The following AP1B1 variants were observed in gnomAD, a reference collection of about 807,000 sequenced individuals.
AP1B1 encodes the protein adaptor related protein complex 1 subunit beta 1, also known as AP-1 complex subunit beta-1.
In AP1B1, 36 loss-of-function variants were observed where a neutral mutation model predicts 104.3. That is an observed-to-expected ratio of 0.35 (90% CI 0.26 to 0.46). The LOEUF is 0.46. Ranked by LOEUF, AP1B1 falls within the 20% of genes least tolerant of loss-of-function variation. AP1B1 has a pLI of 1.00. For synonymous variants in AP1B1, 504 were observed against 517.5 expected (o/e 0.97, Z 0.35); for missense variants, 901 against 1,247.9 (o/e 0.72, Z 4.19).
intron 13 of AP1B1, 50 bp downstream of exon 13, chr22:29,341,451 C>G: frequency 2.5e-6 from 4 of 1,580,760 alleles, no homozygotes; most frequent in Non-Finnish European, 3.5e-6. Flanking sequence ...TGCTGCTAAA[C>G]TGGGGAAGCA....
At position 29,351,779 on chromosome 22, in the gene AP1B1, T is replaced by C; in HGVS notation, c.985A>G (p.Asn329Asp). The change falls in exon 8 of 23, where the codon AAC becomes GAC. Residue 329 changes from asparagine (N) to aspartate (D), a missense_variant. Coordinates refer to ENST00000357586, the MANE Select transcript of AP1B1 (RefSeq NM_001127.4). Reference sequence around the variant, plus strand: ...TCCAGCTTCACGTAGATAGGGTCGTTGTACTTCACGAAGAACACCTTCATC... The same window carrying C: ...TCCAGCTTCACGTAGATAGGGTCGTCGTACTTCACGAAGAACACCTTCATC... ...HEMKVFFVKYNDPIYVKLEKL... is the reference protein window; with the variant it reads ...HEMKVFFVKYDDPIYVKLEKL... 1 of 1,614,214 alleles carries C rather than the reference T, an allele frequency of 6.2e-7. No homozygotes were observed. Among genetic ancestry groups the C allele is most frequent in the Non-Finnish European group, 8.5e-7 (1 of 1,180,032 alleles).
At position 29,388,437 on chromosome 22, in the gene AP1B1, T is replaced by C. The variant is rs1246755681; in HGVS notation, c.-41A>G. The stretch of plus-strand genomic sequence containing the variant: ...CCGCTTCCTCACCCGCAGGTCCCAA[T>C]AGCTCCCGGCGCCCCGGCTCGGTTC... On this transcript the variant is annotated 5_prime_UTR_variant, in exon 1 of 23. Transcript: ENST00000357586. 1 of 152,364 alleles carries C rather than the reference T, an allele frequency of 6.6e-6. No individual in the cohort carries two copies. Among genetic ancestry groups the C allele is most frequent in the African/African-American group, 2.4e-5 (1 of 41,442 alleles). 9.4% of individuals were successfully genotyped at this position (152,364 alleles called of 1,614,324 possible).
chr22:29,378,552 C>CAAAAA (rs145933767), intron 1 of AP1B1, among the ~76,000 whole-genome samples: 41 of 48,356 alleles, frequency 8.5e-4, no homozygotes, highest in Admixed American at 1.5e-3. Flanking sequence ...AACTCCGTAT[C>CAAAAA]AAAAAAAAAA....
chr22:29,334,372 G>C lies in AP1B1; in HGVS notation c.2202C>G (p.Ile734Met), dbSNP rs978776560. The change falls in exon 17 of 23, where the codon ATC (isoleucine) becomes ATG (methionine). Residue 734 changes from isoleucine to methionine, a missense_variant. By Grantham distance (10) the Ile-to-Met change is conservative. Coordinates refer to ENST00000357586, the MANE Select transcript of AP1B1 (RefSeq NM_001127.4). ...CCACCTGGCGGGTGAAGGTGCCTGAGATCTCCAGCCCCTTAGCCTTCATGG... is the reference window on the plus strand; with the variant it reads ...CCACCTGGCGGGTGAAGGTGCCTGACATCTCCAGCCCCTTAGCCTTCATGG... ...LPAMKAKGLE[I>M]SGTFTRQVGS... The C allele has an allele frequency of 1.9e-6, 3 of 1,611,252 alleles. No homozygotes were observed. The highest frequency in any genetic ancestry group is 4.5e-5 in the East Asian group (2 of 44,604).
intron 22 of AP1B1, 185 bp from the exon 23 acceptor site, chr22:29,329,080 G>A: frequency 1.4e-6 from 2 of 1,413,452 alleles, no homozygotes; most frequent in Non-Finnish European, 1.8e-6. Flanking sequence ...CCAGCCGGGT[G>A]TGGACCAAAT....
intron 11 of AP1B1, 23 bp downstream of exon 11, chr22:29,349,195 C>T (rs1234572765): frequency 1.9e-6 from 3 of 1,609,442 alleles, no homozygotes; most frequent in Non-Finnish European, 2.5e-6. Flanking sequence ...ATGACTCACA[C>T]CCTGGCCAGC....
Position 29,365,132 on chromosome 22 carries a change from G to A in AP1B1, c.38-2026C>T, listed in dbSNP as rs1279722500. ...TGGAGGCTGTGAGAGGCTCAGTAACGTATAGCCAATGCTGGTAGGGGGCAG... is the reference window on the plus strand; with the variant it reads ...TGGAGGCTGTGAGAGGCTCAGTAACATATAGCCAATGCTGGTAGGGGGCAG... On this transcript the variant is annotated intron_variant, in intron 2 of 22. Coordinates refer to ENST00000357586, the MANE Select transcript of AP1B1 (RefSeq NM_001127.4). Among the ~76,000 whole-genome samples the A allele has an allele frequency of 5.3e-5, 8 of 152,268 alleles. No individual in the cohort carries two copies. In the South Asian group the frequency reaches 6.2e-4, roughly 12 times the overall value.
chr22:29,359,213 T>C (rs752774143), intron 4 of AP1B1, among the ~76,000 whole-genome samples: 5 of 152,120 alleles, frequency 3.3e-5, no homozygotes, highest in South Asian at 2.1e-4. Context: ...TCCCATTTTA[T>C]AGATGATGAA....
intron 21 of AP1B1, 50 bp downstream of exon 21, chr22:29,330,328 G>C: frequency 1.9e-6 from 3 of 1,605,620 alleles, no homozygotes; most frequent in South Asian, 2.2e-5. Flanking sequence ...CCCCTGGCAT[G>C]GGACGAAGGG....
At chr22:29,373,257 G>A (rs1417867859) in intron 1 of AP1B1, among the ~76,000 whole-genome samples, 2 of 152,190 alleles carry the variant, frequency 1.3e-5, no homozygotes, top group African/African-American at 4.8e-5. Context: ...GGGTGACAGA[G>A]TGAGACCGTG....
At position 29,338,995 on chromosome 22, in the gene AP1B1, T is replaced by C. The variant is rs762337844; in HGVS notation, c.2158A>G (p.Lys720Glu). ...GTLSGSYVAP[K>E]AVWLPAMKAK... ...ACAGAAGACAAGTGACTTACTGCTT[T>C]GGGGGCCACATATGATCCTGACAGG... The change falls in exon 16 of 23, where the codon AAA becomes GAA. Residue 720 changes from lysine to glutamate, a missense_variant. This residue lies in a region of AP1B1 where 424 missense variants were observed against 494.0 expected (regional missense o/e 0.86). Coordinates refer to ENST00000357586, the MANE Select transcript of AP1B1 (RefSeq NM_001127.4). 1 of 1,614,066 alleles carries C rather than the reference T, an allele frequency of 6.2e-7. No individual in the cohort carries two copies. The highest frequency in any genetic ancestry group is 1.7e-5 in the Admixed American group (1 of 60,022).
intron 1 of AP1B1, among the ~76,000 whole-genome samples, chr22:29,379,828 TA>T (rs903920006): frequency 6.6e-6 from 1 of 152,136 alleles, no homozygotes; most frequent in Non-Finnish European, 1.5e-5. Flanking sequence ...TGACAACAAT[TA>T]AATCAACACT....
Position 29,330,402 on chromosome 22 carries a change from G to C in AP1B1, c.2742C>G (p.Ile914Met). ...NGIWVLAELR[I>M]QPGNPSCTDL... ...CCGTGCAGCTGGGGTTGCCCGGCTG[G>C]ATCCGCAGCTCCGCCAGCACCCAGA... Residue 914 changes from isoleucine to methionine, a missense_variant, in exon 21 of 23, where the codon ATC becomes ATG. Physicochemically the swap from Ile to Met is conservative, Grantham distance 10. Around this residue, in one of 3 missense-constraint regions of AP1B1, gnomAD observed 424 missense variants for 494.0 expected, o/e 0.86. Transcript: ENST00000357586. The C allele has an allele frequency of 6.2e-7, 1 of 1,613,606 alleles. No individual in the cohort carries two copies. The highest frequency in any genetic ancestry group is 8.5e-7 in the Non-Finnish European group (1 of 1,179,942).
intron 3 of AP1B1, among the ~76,000 whole-genome samples, chr22:29,360,955 A>C (rs1009106636): frequency 5.3e-5 from 8 of 152,156 alleles, no homozygotes; most frequent in South Asian, 2.1e-4. Flanking sequence ...GCCAAAGCCA[A>C]AATTTATGTG....
intron 1 of AP1B1, among the ~76,000 whole-genome samples, chr22:29,385,832 T>A (rs1217511023): frequency 6.6e-6 from 1 of 152,182 alleles, no homozygotes; most frequent in Non-Finnish European, 1.5e-5. Flanking sequence ...TGTCAGCATG[T>A]CAGGCTTTGG....
At chr22:29,337,975 CAAG>C (rs967778025) in intron 16 of AP1B1, among the ~76,000 whole-genome samples, 11 of 152,342 alleles carry the variant, frequency 7.2e-5, no homozygotes, top group Admixed American at 2.0e-4. Flanking sequence ...GTGCCAGGAT[CAAG>C]AAGAAACGCT....
At chr22:29,330,355 A>G in intron 21 of AP1B1, 23 bp downstream of exon 21, 7 of 1,611,944 alleles carry the variant, frequency 4.3e-6, no homozygotes, top group Non-Finnish European at 5.9e-6. Context: ...CCAAGGCTGC[A>G]GGGCGGGTGC....
chr22:29,378,362 G>C (rs1021014865), intron 1 of AP1B1, among the ~76,000 whole-genome samples: 1 of 151,972 alleles, frequency 6.6e-6, no homozygotes, highest in Non-Finnish European at 1.5e-5. Flanking sequence ...TTCAAGACCA[G>C]CCTGGGCAAC....
chr22:29,371,791 G>T (rs2062243369), intron 1 of AP1B1, among the ~76,000 whole-genome samples: 1 of 152,138 alleles, frequency 6.6e-6, no homozygotes, highest in South Asian at 2.1e-4. Context: ...ATCTTTGGAA[G>T]TGTCAGGGCA....
Sources: gnomAD v4.1 joint callset for allele counts (sites outside exome capture counted in the v4.1 genomes callset) on GRCh38, gnomAD v4.1.1 for gene constraint, gnomAD v4.1.1 regional missense constraint, MANE v1.5 for transcripts, NCBI Gene and HGNC (gene_info 2026-07-23, HGNC 2026-07-21) for gene names.